The following CEACAM19 variants were observed in gnomAD, a reference collection of about 807,000 sequenced individuals.
CEACAM19 encodes cell adhesion molecule CEACAM19.
Under a neutral mutation model 37.6 loss-of-function variants are expected in CEACAM19, and 37 were observed. The observed-to-expected ratio is 0.98, with a 90% CI of 0.76 to 1.29. CEACAM19 has a LOEUF of 1.29. Ranked by LOEUF, CEACAM19 falls within the 50% of genes most tolerant of loss-of-function variation. The pLI, the probability that CEACAM19 is intolerant of heterozygous loss-of-function variation, is 0.00. For missense variants in CEACAM19, 340 were observed against 375.6 expected, an observed-to-expected ratio of 0.91 and a Z score of 0.78; for synonymous variants, 140 against 149.8, an observed-to-expected ratio of 0.93 and a Z score of 0.48.
chr19:44,676,357 G>T lies in CEACAM19; in HGVS notation c.511G>T (p.Ala171Ser). The T allele has an allele frequency of 1.9e-6, 3 of 1,614,080 alleles. No individual in the cohort carries two copies. The highest frequency in any genetic ancestry group is 2.5e-6 in the Non-Finnish European group (3 of 1,180,016). ...ATIIGSLAAG[A>S]LLISCIAYLL... The stretch of plus-strand genomic sequence containing the variant: ...CATCATTGGATCTCTTGCTGCCGGG[G>T]CCCTTCTCATCAGCTGCATTGCCTA... Residue 171 changes from alanine (A) to serine (S), a missense_variant, in exon 3 of 8, where the codon GCC becomes TCC. By Grantham distance (99) the Ala-to-Ser change is moderately conservative. Coordinates refer to ENST00000358777, the MANE Select transcript of CEACAM19 (RefSeq NM_001127893.3).
chr19:44,677,448 A>AGAGAGAGAG (rs1037231611), intron 3 of CEACAM19: 22 of 152,156 alleles, frequency 1.4e-4, no homozygotes, highest in South Asian at 2.1e-4. Flanking sequence ...AGAGAGAGAG[A>AGAGAGAGAG]GAGAGAGAGG....
At chr19:44,674,741 GA>G (rs1397125197) in intron 2 of CEACAM19, among the ~76,000 whole-genome samples, 1 of 152,150 alleles carries the variant, frequency 6.6e-6, no homozygotes, top group Non-Finnish European at 1.5e-5. Context: ...ACAGTGAATA[GA>G]AAAAATTTTA....
In CEACAM19 at chr19:44,672,710, C is replaced by G. The variant is rs779736999; in HGVS notation, c.170C>G (p.Pro57Arg). 1 of 1,580,478 alleles carries G rather than the reference C, an allele frequency of 6.3e-7. No individual in the cohort carries two copies. Among genetic ancestry groups the G allele is most frequent in the East Asian group, 2.3e-5 (1 of 42,950 alleles). Reference protein sequence around the residue: ...QDLLLSVQGVPDTFQDFNWYL... With the variant: ...QDLLLSVQGVRDTFQDFNWYL... The stretch of plus-strand genomic sequence containing the variant: ...CTTCTCCTGTCAGTCCAGGGTGTCC[C>G]AGACACCTTCCAGGACTTCAACTGG... Residue 57 changes from proline (P) to arginine (R), a missense_variant, in exon 2 of 8, where the codon CCA becomes CGA. Pro to Arg is a moderately radical substitution (Grantham distance 103). Transcript: ENST00000358777.
In CEACAM19 at chr19:44,672,594, A is replaced by G. The variant is rs1241795375; in HGVS notation, c.56-2A>G. On this transcript the variant is annotated splice_acceptor_variant, in intron 1 of 7. Transcript: ENST00000358777. LOFTEE classifies it high-confidence loss of function. ...TCAGCCCTTCCCTGTAACTTCCCAC[A>G]GCCTCAATCCTGGTCCTCTGGATGC... The G allele has an allele frequency of 6.9e-7, 1 of 1,458,472 alleles. No individual in the cohort carries two copies. The highest frequency in any genetic ancestry group is 2.6e-5 in the Admixed American group (1 of 37,994). 90.3% of individuals were successfully genotyped at this position (1,458,472 alleles called of 1,614,324 possible). A position where few individuals can be genotyped will look rare whatever the true frequency, so the allele number is the denominator to read the frequency against.
At position 44,671,588 on chromosome 19, in the gene CEACAM19, G is replaced by A. The variant is rs539522169; in HGVS notation, c.-344G>A. The A allele has an allele frequency of 4.8e-6, 2 of 418,450 alleles. No individual in the cohort carries two copies. The highest frequency in any genetic ancestry group is 8.4e-6 in the Non-Finnish European group (2 of 236,774). 25.9% of individuals were successfully genotyped at this position (418,450 alleles called of 1,614,324 possible). On this transcript the variant is annotated 5_prime_UTR_variant, in exon 1 of 8. Transcript: ENST00000358777. ...GTGTTTGAACAAACCCAGGGGAATT[G>A]TTCAAACAGAGGCTGTTATGACTAT... is the stretch of plus-strand genomic sequence containing the variant.
intron 2 of CEACAM19, 40 bp from the exon 3 acceptor site, chr19:44,676,231 G>A (rs768856119): frequency 3.7e-6 from 6 of 1,603,470 alleles, no homozygotes; most frequent in Middle Eastern, 3.3e-4. Flanking sequence ...AGGAGACATC[G>A]CACAGTCCCC....
chr19:44,667,686 TA>T (rs1445874422), upstream of CEACAM19, among the ~76,000 whole-genome samples: 1 of 85,154 alleles, frequency 1.2e-5, no homozygotes. Context: ...ATTATATATA[TA>T]AATATATAAT....
Position 44,682,724 on chromosome 19 carries a change from TC to T in CEACAM19, c.846+108del. 6 of 1,042,462 alleles carry T rather than the reference TC, an allele frequency of 5.8e-6. No individual in the cohort carries two copies. The South Asian group carries it at 8.0e-5, about 14-fold the overall frequency. 64.6% of individuals were successfully genotyped at this position (1,042,462 alleles called of 1,614,324 possible). ...AGACAACTGAAACTGGGGGCTTTCC[TC>T]CCCTCGTCCCCCCAAGCCTCACGGT... On this transcript the variant is annotated intron_variant, in intron 7 of 7. Transcript: ENST00000358777.
chr19:44,672,485 G>C (rs140948168), intron 1 of CEACAM19, 111 bp from the exon 2 acceptor site: 4 of 1,177,404 alleles, frequency 3.4e-6, no homozygotes, highest in Non-Finnish European at 4.6e-6. Context: ...TGTTTCCAAT[G>C]AGCAGCACTC....
At chr19:44,666,834 A>T (rs1423662163), upstream of CEACAM19, 1 of 151,978 alleles carries the variant, frequency 6.6e-6, no homozygotes, top group Non-Finnish European at 1.5e-5. Context: ...GCAAATCCAA[A>T]GACAAGGTCA....
At position 44,683,786 on chromosome 19, in the gene CEACAM19, A is replaced by G. The variant is rs1974108768; in HGVS notation, c.*296A>G. The G allele has an allele frequency of 3.0e-6, 1 of 338,964 alleles. No homozygotes were observed. The highest frequency in any genetic ancestry group is 5.3e-6 in the Non-Finnish European group (1 of 187,748). 21.0% of individuals were successfully genotyped at this position (338,964 alleles called of 1,614,324 possible). A position where few individuals can be genotyped will look rare whatever the true frequency, so the allele number is the denominator to read the frequency against. On this transcript the variant is annotated 3_prime_UTR_variant, in exon 8 of 8. Transcript: ENST00000358777. Reference sequence around the variant, plus strand: ...CAGGCTCTGGCCCCTTTCCATGCCAAAGTCCCCCAAGATCTGGATATCTGG... The same window carrying G: ...CAGGCTCTGGCCCCTTTCCATGCCAGAGTCCCCCAAGATCTGGATATCTGG...
chr19:44,667,846 A>G (rs974072604), upstream of CEACAM19, among the ~76,000 whole-genome samples: 1 of 69,944 alleles, frequency 1.4e-5, no homozygotes, highest in Non-Finnish European at 2.3e-5. Flanking sequence ...TATATAATAT[A>G]TACAATATAT....
chr19:44,681,317 G>T lies in CEACAM19; in HGVS notation c.792+5G>T. The T allele has an allele frequency of 6.2e-7, 1 of 1,608,996 alleles. No homozygotes were observed. Among genetic ancestry groups the T allele is most frequent in the Non-Finnish European group, 8.5e-7 (1 of 1,175,840 alleles). ...AGGTCCATAAACCCAGCCCGGGTGA[G>T]TCCCGTCCCCAGCCTCTCCCCTGAA... On this transcript the variant is annotated splice_donor_5th_base_variant and intron_variant, in intron 6 of 7. Transcript: ENST00000358777.
At position 44,671,956 on chromosome 19, in the gene CEACAM19, G is replaced by A; in HGVS notation, c.25G>A (p.Gly9Ser). The A allele has an allele frequency of 6.2e-7, 1 of 1,606,912 alleles. No individual in the cohort carries two copies. The highest frequency in any genetic ancestry group is 2.2e-5 in the East Asian group (1 of 44,834). MEIPMGTQ[G>S]CFSKSLLLSA... ...GATGGAGATTCCCATGGGGACCCAG[G>A]GCTGCTTCTCAAAGAGCCTCCTGCT... The change falls in exon 1 of 8, where the codon GGC becomes AGC. Residue 9 changes from glycine to serine, a missense_variant. Transcript: ENST00000358777.
At chr19:44,672,495 C>T (rs1256943540) in intron 1 of CEACAM19, 101 bp from the exon 2 acceptor site, 3 of 1,258,926 alleles carry the variant, frequency 2.4e-6, no homozygotes, top group Non-Finnish European at 3.2e-6. Flanking sequence ...GAGCAGCACT[C>T]AGAGTCCTTG....
intron 3 of CEACAM19, 167 bp from the exon 4 acceptor site, chr19:44,678,686 C>A: frequency 1.1e-6 from 1 of 931,500 alleles, no homozygotes; most frequent in Non-Finnish European, 1.5e-6. Context: ...GTTGGGATTA[C>A]AGGCATGAGC....
chr19:44,682,529 G>C, intron 6 of CEACAM19, 38 bp from the exon 7 acceptor site: 1 of 1,560,438 alleles, frequency 6.4e-7, no homozygotes. Flanking sequence ...AGGGTGGGGG[G>C]TGCCGAGCGC....
upstream of CEACAM19, among the ~76,000 whole-genome samples, chr19:44,670,402 C>G (rs1358255534): frequency 6.6e-6 from 1 of 151,150 alleles, no homozygotes; most frequent in African/African-American, 2.4e-5. Context: ...GGGCTGGGTG[C>G]AGTGGCTCAT....
At chr19:44,681,204 A>C in intron 5 of CEACAM19, 23 bp from the exon 6 acceptor site, 1 of 1,584,060 alleles carries the variant, frequency 6.3e-7, no homozygotes, top group Non-Finnish European at 8.7e-7. Flanking sequence ...GTCAGCTGGT[A>C]CCTCCCCTGG....
Sources: gnomAD v4.1 joint callset for allele counts (sites outside exome capture counted in the v4.1 genomes callset) on GRCh38, gnomAD v4.1.1 for gene constraint, MANE v1.5 for transcripts, NCBI Gene and HGNC (gene_info 2026-07-23, HGNC 2026-07-21) for gene names.